The following SCAI variants were observed in gnomAD, a reference collection of about 807,000 sequenced individuals.
SCAI encodes suppressor of cancer cell invasion.
A neutral mutation model predicts 92.2 loss-of-function variants in SCAI; 24 were observed. The observed-to-expected ratio is 0.26, with a 90% CI of 0.19 to 0.37. SCAI has a LOEUF of 0.37. Among genes scored for constraint, SCAI ranks in the 10% least tolerant of loss-of-function variants. The pLI is 1.00. For synonymous variants in SCAI, 261 were observed against 258.6 expected, an observed-to-expected ratio of 1.01 and a Z score of -0.09; for missense variants, 450 against 736.2, an observed-to-expected ratio of 0.61 and a Z score of 4.50.
chr9:124,978,202 G>A (rs1831801803), intron 14 of SCAI, among the ~76,000 whole-genome samples: 1 of 152,200 alleles, frequency 6.6e-6, no homozygotes, highest in Non-Finnish European at 1.5e-5. Context: ...AGCACTTTGG[G>A]AGGCAGAGGT....
chr9:125,106,287 C>T (rs1347429770), intron 2 of SCAI, among the ~76,000 whole-genome samples: 1 of 149,404 alleles, frequency 6.7e-6, no homozygotes, highest in Non-Finnish European at 1.5e-5. Context: ...AAAACACAAG[C>T]ATTGGAAGAT....
intron 14 of SCAI, among the ~76,000 whole-genome samples, chr9:124,987,264 C>T (rs546566333): frequency 7.9e-5 from 12 of 152,208 alleles, no homozygotes; most frequent in African/African-American, 2.2e-4. Context: ...CCTTGTGATC[C>T]GCCTGCCTCG....
chr9:124,959,690 C>T (rs1180984665), intron 17 of SCAI, among the ~76,000 whole-genome samples: 1 of 145,292 alleles, frequency 6.9e-6, no homozygotes, highest in Non-Finnish European at 1.5e-5. Flanking sequence ...CCCCATCCCC[C>T]CCACCCCACA....
At chr9:125,022,803 T>C (rs991117204) in intron 6 of SCAI, among the ~76,000 whole-genome samples, 4 of 152,190 alleles carry the variant, frequency 2.6e-5, no homozygotes, top group African/African-American at 9.6e-5. Flanking sequence ...GAAGTTTAGA[T>C]CATTTTTACT....
intron 2 of SCAI, among the ~76,000 whole-genome samples, chr9:125,097,528 T>C (rs1041706214): frequency 1.3e-5 from 2 of 152,034 alleles, no homozygotes; most frequent in African/African-American, 2.4e-5. Context: ...AGGCCTGAAA[T>C]AGATATAGAC....
intron 2 of SCAI, among the ~76,000 whole-genome samples, chr9:125,113,521 AAGT>A (rs1834970888): frequency 6.6e-6 from 1 of 152,160 alleles, no homozygotes; most frequent in African/African-American, 2.4e-5. Flanking sequence ...AGACTAAAGA[AAGT>A]AGAAAAAATT....
chr9:125,062,176 T>C (rs1234952459), intron 2 of SCAI, among the ~76,000 whole-genome samples: 3 of 151,680 alleles, frequency 2.0e-5, no homozygotes, highest in African/African-American at 7.3e-5. Context: ...CCCAGGCTGG[T>C]GTGCAGTGGC....
intron 2 of SCAI, among the ~76,000 whole-genome samples, chr9:125,099,350 C>T (rs1834631538): frequency 6.6e-6 from 1 of 151,232 alleles, no homozygotes. Flanking sequence ...TGCAGCAGTG[C>T]GATCTCAGTT....
intron 14 of SCAI, among the ~76,000 whole-genome samples, chr9:124,992,250 G>T (rs1258344112): frequency 6.6e-6 from 1 of 151,768 alleles, no homozygotes; most frequent in Non-Finnish European, 1.5e-5. Flanking sequence ...ATAAATATGA[G>T]ACACCTTTAT....
intron 14 of SCAI, among the ~76,000 whole-genome samples, chr9:124,986,044 T>A (rs1588133283): frequency 6.6e-6 from 1 of 151,770 alleles, no homozygotes; most frequent in South Asian, 2.1e-4. Flanking sequence ...GTAATCCCAG[T>A]ACTTTGGGAG....
intron 17 of SCAI, among the ~76,000 whole-genome samples, chr9:124,963,757 C>CAAAA (rs36017738): frequency 1.3e-4 from 7 of 52,252 alleles, no homozygotes; most frequent in Non-Finnish European, 1.6e-4. Flanking sequence ...GAATCTGTCT[C>CAAAA]AAAAAAAAAA....
At chr9:124,992,868 A>T (rs1050462668) in intron 14 of SCAI, among the ~76,000 whole-genome samples, 2 of 152,230 alleles carry the variant, frequency 1.3e-5, no homozygotes, top group African/African-American at 4.8e-5. Context: ...GAGCAAATAC[A>T]TTTCCAATTA....
intron 14 of SCAI, among the ~76,000 whole-genome samples, chr9:124,988,431 A>C (rs1277655533): frequency 6.6e-6 from 1 of 152,120 alleles, no homozygotes; most frequent in Non-Finnish European, 1.5e-5. Flanking sequence ...GGCAGGGAGA[A>C]ATTTTAAATG....
intron 13 of SCAI, among the ~76,000 whole-genome samples, chr9:124,997,219 GACCTCACAT>G (rs1832255621): frequency 6.6e-6 from 1 of 152,118 alleles, no homozygotes; most frequent in African/African-American, 2.4e-5. Flanking sequence ...TTCCACACCT[GACCTCACAT>G]GATGGATCAT....
At chr9:125,087,648 G>C (rs1238342589) in intron 2 of SCAI, among the ~76,000 whole-genome samples, 2 of 152,182 alleles carry the variant, frequency 1.3e-5, no homozygotes, top group Non-Finnish European at 2.9e-5. Flanking sequence ...GCTTTTGTTT[G>C]GCCCATGTAG....
intron 14 of SCAI, among the ~76,000 whole-genome samples, chr9:124,981,959 C>T (rs570647123): frequency 2.0e-5 from 3 of 152,264 alleles, no homozygotes; most frequent in Admixed American, 2.0e-4. Context: ...TTTCCTTTAC[C>T]TAATCTTCAT....
At position 124,982,068 on chromosome 9, in the gene SCAI, T is replaced by C. The variant is rs566459625; in HGVS notation, c.1327-5882A>G. Among the ~76,000 whole-genome samples, 247 of 152,324 alleles carry C rather than the reference T, an allele frequency of 1.6e-3. 1 individual carries two copies. The highest frequency in any genetic ancestry group is 5.7e-3 in the African/African-American group (239 of 41,574). ...TCTATTCTATATTGATAAACTACTT[T>C]GGGGTAAAGTTTTCTTTCATGTGTG... On this transcript the variant is annotated intron_variant, in intron 14 of 17. Transcript: ENST00000336505.
chr9:125,020,396 T>C (rs1832848175), intron 7 of SCAI, among the ~76,000 whole-genome samples: 1 of 152,196 alleles, frequency 6.6e-6, no homozygotes, highest in Non-Finnish European at 1.5e-5. Context: ...TTTTTGTTTG[T>C]TTGCATTCCC....
chr9:125,011,794 T>C (rs1201238796), intron 9 of SCAI, among the ~76,000 whole-genome samples: 1 of 152,168 alleles, frequency 6.6e-6, no homozygotes, highest in African/African-American at 2.4e-5. Flanking sequence ...AAGGTCGGGT[T>C]ACCACAAAGG....
Sources: gnomAD v4.1 joint callset for allele counts (sites outside exome capture counted in the v4.1 genomes callset) on GRCh38, gnomAD v4.1.1 for gene constraint, MANE v1.5 for transcripts, NCBI Gene and HGNC (gene_info 2026-07-23, HGNC 2026-07-21) for gene names.